ADAMTS12: variants seen among roughly 807,000 people sequenced by gnomAD.
The protein encoded by ADAMTS12 is ADAM metallopeptidase with thrombospondin type 1 motif 12.
Under a neutral mutation model 167.8 loss-of-function variants are expected in ADAMTS12, and 118 were observed. The observed-to-expected ratio is 0.70, with a 90% CI of 0.61 to 0.82. The LOEUF (loss-of-function observed/expected upper bound fraction) is 0.82, where lower values mean the gene tolerates loss of function less well. Among genes scored for constraint, ADAMTS12 ranks in the 40% least tolerant of loss-of-function variants. The pLI is 0.00. For missense variants in ADAMTS12, 1,916 were observed against 1,998.8 expected (o/e 0.96, Z 0.79); for synonymous variants, 704 against 716.9 (o/e 0.98, Z 0.29).
At chr5:33,702,502 T>C (rs1743038757) in intron 3 of ADAMTS12, among the ~76,000 whole-genome samples, 1 of 152,124 alleles carries the variant, frequency 6.6e-6, no homozygotes, top group African/African-American at 2.4e-5. Context: ...ACAGAAGGTG[T>C]AACTTCCCTG....
In ADAMTS12 at chr5:33,588,703, G is replaced by A; in HGVS notation, c.2761C>T (p.Leu921Phe). Residue 921 changes from leucine to phenylalanine, a missense_variant, in exon 18 of 24, where the codon CTC becomes TTC. Physicochemically the swap from Leu to Phe is conservative, Grantham distance 22 (BLOSUM62 0). Coordinates refer to ENST00000504830, the MANE Select transcript of ADAMTS12 (RefSeq NM_030955.4). ...IQTMVSDEQALPPTDCQHLLK... is the reference protein window; with the variant it reads ...IQTMVSDEQAFPPTDCQHLLK... The stretch of plus-strand genomic sequence containing the variant: ...AGGTGCTGGCAGTCTGTGGGCGGGA[G>A]AGCCTGCTCGTCAGAGACCATGGTC... 1 of 1,614,144 alleles carries A rather than the reference G, an allele frequency of 6.2e-7. No individual in the cohort carries two copies. The highest frequency in any genetic ancestry group is 1.1e-5 in the South Asian group (1 of 91,078).
chr5:33,588,094 T>C (rs1747446963), intron 18 of ADAMTS12, among the ~76,000 whole-genome samples: 1 of 152,224 alleles, frequency 6.6e-6, no homozygotes, highest in African/African-American at 2.4e-5. Context: ...TTATCTGAAC[T>C]TGTGTGTCTG....
chr5:33,869,667 T>G lies in ADAMTS12; in HGVS notation c.489+11452A>C, dbSNP rs536416681. Among the ~76,000 whole-genome samples the G allele has an allele frequency of 1.5e-3, 222 of 152,134 alleles. 1 individual carries two copies. The highest frequency in any genetic ancestry group is 5.1e-3 in the African/African-American group (210 of 41,500). On this transcript the variant is annotated intron_variant, in intron 2 of 23. Transcript: ENST00000504830. ...GTGTGGGTCACAGAGATCACATGCT[T>G]CAAAGGCAATAAAATATCACAAGGC...
intron 2 of ADAMTS12, among the ~76,000 whole-genome samples, chr5:33,861,145 T>C (rs546163118): frequency 6.6e-6 from 1 of 152,260 alleles, no homozygotes; most frequent in South Asian, 2.1e-4. Flanking sequence ...AATAATCAGC[T>C]AACGCCATAA....
chr5:33,810,084 T>C (rs1399213004), intron 2 of ADAMTS12, among the ~76,000 whole-genome samples: 3 of 145,802 alleles, frequency 2.1e-5, no homozygotes, highest in Non-Finnish European at 4.5e-5. Flanking sequence ...GAGGCAGGAG[T>C]GAAAGCACAA....
intron 5 of ADAMTS12, among the ~76,000 whole-genome samples, chr5:33,669,584 T>C (rs1457090619): frequency 6.6e-6 from 1 of 152,116 alleles, no homozygotes; most frequent in African/African-American, 2.4e-5. Flanking sequence ...TGTTAAACTT[T>C]TACTTAAATT....
intron 2 of ADAMTS12, among the ~76,000 whole-genome samples, chr5:33,783,187 T>C (rs950085034): frequency 2.0e-5 from 3 of 151,934 alleles, no homozygotes; most frequent in Non-Finnish European, 4.4e-5. Flanking sequence ...AAAGAGCAAC[T>C]ACAAAAAATA....
intron 2 of ADAMTS12, among the ~76,000 whole-genome samples, chr5:33,834,947 A>T (rs28546905): frequency 0.015 from 2,354 of 152,244 alleles, 63 homozygotes; most frequent in African/African-American, 0.054. Flanking sequence ...AGGGAGAGGG[A>T]GCAGGAAAGA....
intron 2 of ADAMTS12, among the ~76,000 whole-genome samples, chr5:33,793,881 C>G (rs1208021337): frequency 2.0e-5 from 3 of 152,180 alleles, no homozygotes; most frequent in South Asian, 2.1e-4. Flanking sequence ...TTCTTCCCCC[C>G]TCCCCGCCTG....
chr5:33,684,094 A>C (rs779855766), intron 3 of ADAMTS12, 39 bp from the exon 4 acceptor site: 2 of 1,347,934 alleles, frequency 1.5e-6, no homozygotes, highest in African/African-American at 1.5e-5. Context: ...AACACTGTAT[A>C]TGTCTCATAT....
chr5:33,548,621 A>G (rs1745098036), intron 21 of ADAMTS12, among the ~76,000 whole-genome samples: 1 of 152,078 alleles, frequency 6.6e-6, no homozygotes, highest in African/African-American at 2.4e-5. Context: ...ACACTTCACC[A>G]AAGAACTTCA....
chr5:33,732,313 G>T (rs138811304), intron 3 of ADAMTS12, among the ~76,000 whole-genome samples: 2 of 152,070 alleles, frequency 1.3e-5, no homozygotes, highest in Non-Finnish European at 2.9e-5. Context: ...AAGAATGGAG[G>T]AAATCAGAAA....
At chr5:33,580,387 C>T (rs1194509770) in intron 18 of ADAMTS12, among the ~76,000 whole-genome samples, 2 of 151,712 alleles carry the variant, frequency 1.3e-5, no homozygotes, top group Non-Finnish European at 2.9e-5. Context: ...ATAAAACCCT[C>T]AGATCTCATG....
At chr5:33,570,296 A>G (rs1220308086) in intron 19 of ADAMTS12, among the ~76,000 whole-genome samples, 1 of 152,248 alleles carries the variant, frequency 6.6e-6, no homozygotes, top group Admixed American at 6.5e-5. Context: ...CGTAATTGTC[A>G]GATTCACCAA....
intron 2 of ADAMTS12, among the ~76,000 whole-genome samples, chr5:33,825,260 T>G (rs772199365): frequency 2.0e-5 from 3 of 152,194 alleles, no homozygotes; most frequent in Non-Finnish European, 4.4e-5. Flanking sequence ...CTTATATGTA[T>G]GAAGAGTCAA....
chr5:33,756,125 C>G (rs1284181704), intron 2 of ADAMTS12, among the ~76,000 whole-genome samples: 1 of 152,166 alleles, frequency 6.6e-6, no homozygotes, highest in Non-Finnish European at 1.5e-5. Context: ...GGCTGATGTT[C>G]ATTAACAAGT....
At chr5:33,599,985 T>C (rs1251203257) in intron 16 of ADAMTS12, among the ~76,000 whole-genome samples, 1 of 152,210 alleles carries the variant, frequency 6.6e-6, no homozygotes, top group Non-Finnish European at 1.5e-5. Context: ...TGGCTTTTTA[T>C]TTGGCTTGCT....
intron 16 of ADAMTS12, among the ~76,000 whole-genome samples, chr5:33,609,275 T>C (rs13153272): frequency 0.12 from 18,762 of 152,016 alleles, 1,425 homozygotes; most frequent in Middle Eastern, 0.23. Flanking sequence ...GGATCATATC[T>C]ACATATAGGA....
At chr5:33,868,105 G>C (rs1326925417) in intron 2 of ADAMTS12, among the ~76,000 whole-genome samples, 7 of 152,034 alleles carry the variant, frequency 4.6e-5, no homozygotes, top group African/African-American at 1.7e-4. Context: ...CATGCTTCCT[G>C]TACAGCCTAT....
Sources: allele counts gnomAD v4.1 joint callset (sites outside exome capture counted in the v4.1 genomes callset), GRCh38; gene constraint gnomAD v4.1.1; transcripts MANE v1.5; gene names NCBI Gene and HGNC (gene_info 2026-07-23, HGNC 2026-07-21).